The following GUCY1A2 variants were observed in gnomAD, a reference collection of about 807,000 sequenced individuals.
GUCY1A2 encodes guanylate cyclase soluble subunit alpha-2.
In GUCY1A2, 27 loss-of-function variants were observed where a neutral mutation model predicts 63.5. The ratio of observed to expected loss-of-function variants is 0.43; its 90% confidence interval spans 0.31 to 0.59. The LOEUF is 0.59. GUCY1A2 is among the 20% of genes least tolerant of loss of function. GUCY1A2 has a pLI of 0.11. For synonymous variants in GUCY1A2, 364 were observed against 343.5 expected, an observed-to-expected ratio of 1.06 and a Z score of -0.66; for missense variants, 768 against 913.3, an observed-to-expected ratio of 0.84 and a Z score of 2.05.
At chr11:106,726,307 T>C (rs1334390847) in intron 6 of GUCY1A2, among the ~76,000 whole-genome samples, 7 of 151,870 alleles carry the variant, frequency 4.6e-5, no homozygotes, top group African/African-American at 1.2e-4. Flanking sequence ...TCCCAGCTAC[T>C]TGGGGGGCTG....
chr11:107,017,236 T>C (rs1440792891), intron 1 of GUCY1A2, among the ~76,000 whole-genome samples: 1 of 152,080 alleles, frequency 6.6e-6, no homozygotes, highest in African/African-American at 2.4e-5. Flanking sequence ...CAACATAGAA[T>C]GCAGATAGCC....
Position 106,676,163 on chromosome 11 carries a change from T to G in GUCY1A2, c.*11386A>C, listed in dbSNP as rs1862342609. 1 of 181,402 alleles carries G rather than the reference T, an allele frequency of 5.5e-6. No individual in the cohort carries two copies. Among genetic ancestry groups the G allele is most frequent in the African/African-American group, 2.4e-5 (1 of 42,452 alleles). 11.2% of individuals were successfully genotyped at this position (181,402 alleles called of 1,614,324 possible). On this transcript the variant is annotated 3_prime_UTR_variant, in exon 8 of 8. Coordinates refer to ENST00000526355, the MANE Select transcript of GUCY1A2 (RefSeq NM_000855.3). ...AGAATACAATTTTAAGTTTGGGAGATTATAAATTCTTTAAATCTTGTTCAA... is the reference window on the plus strand; with the variant it reads ...AGAATACAATTTTAAGTTTGGGAGAGTATAAATTCTTTAAATCTTGTTCAA...
intron 4 of GUCY1A2, among the ~76,000 whole-genome samples, chr11:106,930,685 T>A (rs1860588864): frequency 6.6e-6 from 1 of 152,174 alleles, no homozygotes; most frequent in African/African-American, 2.4e-5. Context: ...TTATACCAAA[T>A]CTCAAAATCC....
intron 4 of GUCY1A2, among the ~76,000 whole-genome samples, chr11:106,926,820 T>C (rs1176440545): frequency 6.6e-6 from 1 of 151,760 alleles, no homozygotes; most frequent in Admixed American, 6.6e-5. Context: ...TCCAAAATCA[T>C]GTTATTTAAG....
intron 4 of GUCY1A2, among the ~76,000 whole-genome samples, chr11:106,847,187 C>T (rs1482007827): frequency 1.4e-5 from 2 of 146,936 alleles, no homozygotes; most frequent in Non-Finnish European, 3.0e-5. Flanking sequence ...ATCTGCCTGG[C>T]AGTACACCAA....
chr11:106,701,842 T>G (rs1862822502), intron 7 of GUCY1A2, among the ~76,000 whole-genome samples: 1 of 152,198 alleles, frequency 6.6e-6, no homozygotes, highest in Admixed American at 6.5e-5. Context: ...TTATCCTAAT[T>G]TAATCATTAT....
intron 4 of GUCY1A2, among the ~76,000 whole-genome samples, chr11:106,906,585 G>C (rs1312474300): frequency 6.6e-6 from 1 of 151,958 alleles, no homozygotes; most frequent in Non-Finnish European, 1.5e-5. Context: ...CCGGTTACTG[G>C]GTATACACTC....
chr11:106,857,813 T>C (rs1356292873), intron 4 of GUCY1A2, among the ~76,000 whole-genome samples: 1 of 152,230 alleles, frequency 6.6e-6, no homozygotes, highest in Non-Finnish European at 1.5e-5. Flanking sequence ...AAGTAATCTA[T>C]AGATAATTTA....
intron 4 of GUCY1A2, among the ~76,000 whole-genome samples, chr11:106,868,744 T>C (rs1859630685): frequency 6.6e-6 from 1 of 152,106 alleles, no homozygotes; most frequent in African/African-American, 2.4e-5. Flanking sequence ...TTCACAGAAT[T>C]GGAAAAAACT....
intron 6 of GUCY1A2, among the ~76,000 whole-genome samples, chr11:106,745,498 T>C (rs1863772303): frequency 6.6e-6 from 1 of 152,264 alleles, no homozygotes; most frequent in Non-Finnish European, 1.5e-5. Flanking sequence ...TTACCATTTG[T>C]TGCCACATAC....
chr11:106,953,235 G>A (rs554139436), intron 3 of GUCY1A2, among the ~76,000 whole-genome samples: 16 of 152,216 alleles, frequency 1.1e-4, no homozygotes, highest in Middle Eastern at 3.4e-3. Flanking sequence ...AACATGAAGC[G>A]ATGTTCAATT....
intron 3 of GUCY1A2, among the ~76,000 whole-genome samples, chr11:106,977,940 A>G (rs771080293): frequency 6.6e-6 from 1 of 152,214 alleles, no homozygotes; most frequent in Non-Finnish European, 1.5e-5. Context: ...TTCTTTTAGA[A>G]TACATTGCAT....
chr11:106,708,762 T>TA (rs771567882), intron 6 of GUCY1A2, 96 bp from the exon 7 acceptor site: 485 of 718,034 alleles, frequency 6.8e-4, no homozygotes, highest in Non-Finnish European at 8.2e-4. Flanking sequence ...ATAATAATAA[T>TA]AAAAAAAAAC....
Position 106,778,593 on chromosome 11 carries a change from G to A in GUCY1A2, c.1693-2011C>T, listed in dbSNP as rs150918414. Among the ~76,000 whole-genome samples, 1,207 of 152,020 alleles carry A rather than the reference G, an allele frequency of 7.9e-3. 15 individuals carry two copies. The highest frequency in any genetic ancestry group is 0.027 in the African/African-American group (1,114 of 41,442). ...GGAGAATGGTGTGAACCTGGGAGGCGGAGCTTGCAGTGAGCGGAGATCACG... is the reference window on the plus strand; with the variant it reads ...GGAGAATGGTGTGAACCTGGGAGGCAGAGCTTGCAGTGAGCGGAGATCACG... On this transcript the variant is annotated intron_variant, in intron 5 of 7. Transcript: ENST00000526355.
chr11:106,919,210 A>G (rs1308596533), intron 4 of GUCY1A2, among the ~76,000 whole-genome samples: 1 of 152,158 alleles, frequency 6.6e-6, no homozygotes, highest in Non-Finnish European at 1.5e-5. Context: ...AAACATGAAG[A>G]AACATAAGAA....
At chr11:106,918,584 G>A (rs559806660) in intron 4 of GUCY1A2, among the ~76,000 whole-genome samples, 7 of 144,744 alleles carry the variant, frequency 4.8e-5, no homozygotes, top group African/African-American at 1.5e-4. Flanking sequence ...CACACACAGA[G>A]ACATTACACA....
At chr11:106,847,983 C>G (rs1344816861) in intron 4 of GUCY1A2, among the ~76,000 whole-genome samples, 1 of 151,402 alleles carries the variant, frequency 6.6e-6, no homozygotes, top group Non-Finnish European at 1.5e-5. Context: ...GTGCAAAACA[C>G]CATGACCAAA....
chr11:106,741,736 G>C (rs1053404751), intron 6 of GUCY1A2, among the ~76,000 whole-genome samples: 2 of 152,152 alleles, frequency 1.3e-5, no homozygotes. Context: ...GTTTACAATG[G>C]TGATAATGAT....
At chr11:106,906,132 A>G (rs1860201770) in intron 4 of GUCY1A2, among the ~76,000 whole-genome samples, 1 of 152,216 alleles carries the variant, frequency 6.6e-6, no homozygotes, top group Admixed American at 6.5e-5. Flanking sequence ...GCAGCAAAAG[A>G]AACTGTCATC....
Sources: gnomAD v4.1 joint callset for allele counts (sites outside exome capture counted in the v4.1 genomes callset) on GRCh38, gnomAD v4.1.1 for gene constraint, MANE v1.5 for transcripts, NCBI Gene and HGNC (gene_info 2026-07-23, HGNC 2026-07-21) for gene names.